The following ZNF827 variants were observed in gnomAD, a reference collection of about 807,000 sequenced individuals.
ZNF827 encodes the protein zinc finger protein 827.
ZNF827 carries 13 observed loss-of-function variants against 102.4 expected under a neutral mutation model. That is an observed-to-expected ratio of 0.13 (90% confidence interval 0.08 to 0.20). The LOEUF is 0.20. ZNF827 is among the 10% of genes least tolerant of loss of function. The probability of loss-of-function intolerance (pLI) is 1.00; values close to 1 mark genes in which losing one functional copy is unlikely to be tolerated. For synonymous variants in ZNF827, 523 were observed against 536.2 expected, an observed-to-expected ratio of 0.98 and a Z score of 0.34; for missense variants, 1,103 against 1,344.4, an observed-to-expected ratio of 0.82 and a Z score of 2.81.
intron 8 of ZNF827, among the ~76,000 whole-genome samples, chr4:145,789,020 T>C (rs1377187987): frequency 3.3e-5 from 5 of 152,216 alleles, no homozygotes; most frequent in Non-Finnish European, 7.3e-5. Flanking sequence ...TCATGAAACA[T>C]AGTTCTAGAC....
chr4:145,857,517 G>C (rs1747269339), intron 5 of ZNF827, among the ~76,000 whole-genome samples: 1 of 152,198 alleles, frequency 6.6e-6, no homozygotes, highest in Non-Finnish European at 1.5e-5. Flanking sequence ...TGCAAATGTT[G>C]TCAGACTGGC....
At chr4:145,853,116 T>C (rs1292847496) in intron 5 of ZNF827, among the ~76,000 whole-genome samples, 1 of 152,224 alleles carries the variant, frequency 6.6e-6, no homozygotes, top group East Asian at 1.9e-4. Context: ...GCTCCTTTCA[T>C]TTCTAGCCTA....
chr4:145,770,122 C>T (rs897221552), intron 11 of ZNF827, among the ~76,000 whole-genome samples: 1 of 151,960 alleles, frequency 6.6e-6, no homozygotes, highest in African/African-American at 2.4e-5. Flanking sequence ...AATGGCAAAA[C>T]CCCATCTCTA....
intron 8 of ZNF827, among the ~76,000 whole-genome samples, chr4:145,807,403 CA>C (rs1229847097): frequency 1.3e-5 from 2 of 151,094 alleles, no homozygotes; most frequent in African/African-American, 4.9e-5. Context: ...TAGGGGGAAA[CA>C]AAACTAAAAC....
At chr4:145,792,694 T>C (rs751440291) in intron 8 of ZNF827, among the ~76,000 whole-genome samples, 2 of 152,114 alleles carry the variant, frequency 1.3e-5, no homozygotes, top group South Asian at 4.1e-4. Context: ...GCGCCTGGCT[T>C]GGGATATTTT....
intron 8 of ZNF827, among the ~76,000 whole-genome samples, chr4:145,780,465 G>A (rs762036987): frequency 3.7e-4 from 57 of 152,298 alleles, no homozygotes; most frequent in Non-Finnish European, 6.0e-4. Context: ...TGGGAAAACA[G>A]TGCCACAAGT....
In ZNF827 at chr4:145,938,495, C is replaced by T; in HGVS notation, c.-88G>A. On this transcript the variant is annotated 5_prime_UTR_variant, in exon 1 of 15. Coordinates refer to ENST00000508784, the MANE Select transcript of ZNF827 (RefSeq NM_001306215.2). Reference sequence around the variant, plus strand: ...GCAGAGAGGCAGACACTGGCAGGAGCGGGGAGGTAGTTGGGGGGCGGGCGG... The same window carrying T: ...GCAGAGAGGCAGACACTGGCAGGAGTGGGGAGGTAGTTGGGGGGCGGGCGG... 2.8e-5 allele frequency: 3 copies of T among 105,780 alleles called. No homozygotes were observed. The highest frequency in any genetic ancestry group is 1.0e-4 in the Admixed American group (1 of 9,676). 6.6% of individuals were successfully genotyped at this position (105,780 alleles called of 1,614,324 possible). A position where few individuals can be genotyped will look rare whatever the true frequency, so the allele number is the denominator to read the frequency against.
chr4:145,803,692 A>T (rs1741139039), intron 8 of ZNF827, among the ~76,000 whole-genome samples: 1 of 152,186 alleles, frequency 6.6e-6, no homozygotes, highest in South Asian at 2.1e-4. Flanking sequence ...ATTGGTGTAT[A>T]TGACTCCCCA....
At chr4:145,796,269 C>T (rs980077345) in intron 8 of ZNF827, among the ~76,000 whole-genome samples, 1 of 152,140 alleles carries the variant, frequency 6.6e-6, no homozygotes, top group Non-Finnish European at 1.5e-5. Context: ...AATAATTGTT[C>T]CTAAAACAAA....
chr4:145,905,845 T>C (rs1447790719), intron 1 of ZNF827, among the ~76,000 whole-genome samples: 1 of 152,218 alleles, frequency 6.6e-6, no homozygotes, highest in Non-Finnish European at 1.5e-5. Context: ...TTTTCTTTAA[T>C]CTTTATTATT....
chr4:145,766,933 C>T (rs1579088163), intron 11 of ZNF827, among the ~76,000 whole-genome samples: 1 of 152,100 alleles, frequency 6.6e-6, no homozygotes, highest in Non-Finnish European at 1.5e-5. Flanking sequence ...CCCAAAGGAA[C>T]GAGGTTTCCA....
intron 2 of ZNF827, among the ~76,000 whole-genome samples, chr4:145,901,037 A>C (rs1751366593): frequency 1.3e-5 from 2 of 152,192 alleles, no homozygotes; most frequent in African/African-American, 2.4e-5. Context: ...TCAAGTTTTG[A>C]AGTACTTATA....
chr4:145,871,271 T>C (rs1361074694), intron 4 of ZNF827, among the ~76,000 whole-genome samples: 2 of 152,242 alleles, frequency 1.3e-5, no homozygotes, highest in African/African-American at 4.8e-5. Flanking sequence ...TTCACATTAC[T>C]ATGAGCTAAA....
At chr4:145,811,869 C>T (rs931234152) in intron 8 of ZNF827, among the ~76,000 whole-genome samples, 9 of 152,044 alleles carry the variant, frequency 5.9e-5, no homozygotes, top group African/African-American at 1.7e-4. Context: ...TTCTTTAAAA[C>T]ATCTGTTAGC....
At chr4:145,853,090 AAAG>A (rs1338229241) in intron 5 of ZNF827, among the ~76,000 whole-genome samples, 1 of 152,230 alleles carries the variant, frequency 6.6e-6, no homozygotes. Flanking sequence ...CACACAAGAC[AAAG>A]AAGAAAGAAA....
chr4:145,806,749 C>A (rs978005746), intron 8 of ZNF827, among the ~76,000 whole-genome samples: 2 of 152,094 alleles, frequency 1.3e-5, no homozygotes, highest in Non-Finnish European at 2.9e-5. Context: ...GATATAACGA[C>A]TGAAAATACC....
At chr4:145,936,413 C>G (rs927269052) in intron 1 of ZNF827, among the ~76,000 whole-genome samples, 1 of 151,918 alleles carries the variant, frequency 6.6e-6, no homozygotes, top group East Asian at 1.9e-4. Flanking sequence ...GAACCTCTAG[C>G]GGGCAGGCGA....
chr4:145,901,902 A>T (rs910573922), intron 2 of ZNF827, among the ~76,000 whole-genome samples: 2 of 152,202 alleles, frequency 1.3e-5, no homozygotes, highest in African/African-American at 2.4e-5. Context: ...AGAAAAAAAA[A>T]TCATTTGTAT....
At chr4:145,838,389 T>C (rs555646084) in intron 7 of ZNF827, among the ~76,000 whole-genome samples, 30 of 152,262 alleles carry the variant, frequency 2.0e-4, no homozygotes, top group African/African-American at 5.3e-4. Context: ...GCCCCACCCT[T>C]AACTCCCTTC....
Sources: gnomAD v4.1 joint callset for allele counts (sites outside exome capture counted in the v4.1 genomes callset) on GRCh38, gnomAD v4.1.1 for gene constraint, MANE v1.5 for transcripts, NCBI Gene and HGNC (gene_info 2026-07-23, HGNC 2026-07-21) for gene names.